The following AHI1 variants were observed in gnomAD, a reference collection of about 807,000 sequenced individuals.
AHI1 encodes jouberin.
In AHI1, 123 loss-of-function variants were observed where a neutral mutation model predicts 149.3. That is an observed-to-expected ratio of 0.82 (90% CI 0.71 to 0.96). The LOEUF is 0.96. Among genes scored for constraint, AHI1 ranks in the 40% least tolerant of loss-of-function variants. The pLI is 0.00. For synonymous variants in AHI1, 475 were observed against 459.8 expected, an observed-to-expected ratio of 1.03 and a Z score of -0.42; for missense variants, 1,439 against 1,422.7, an observed-to-expected ratio of 1.01 and a Z score of -0.18.
At chr6:135,386,529 C>T in intron 23 of AHI1, among the ~76,000 whole-genome samples, 1 of 152,170 alleles carries the variant, frequency 6.6e-6, no homozygotes, top group Non-Finnish European at 1.5e-5. Flanking sequence ...CCAGGATGGT[C>T]TCGATCTCCT....
At chr6:135,383,111 TTTCA>T (rs1777080374) in intron 23 of AHI1, among the ~76,000 whole-genome samples, 1 of 149,750 alleles carries the variant, frequency 6.7e-6, no homozygotes, top group African/African-American at 2.4e-5. Flanking sequence ...TTAAAATATT[TTTCA>T]TTATCAGAAA....
At chr6:135,304,590 T>G (rs957657449) in intron 26 of AHI1, among the ~76,000 whole-genome samples, 2 of 152,180 alleles carry the variant, frequency 1.3e-5, no homozygotes, top group South Asian at 4.2e-4. Context: ...GCCAACATAG[T>G]GAAACCCCGG....
At position 135,427,149 on chromosome 6, in the gene AHI1, A is replaced by T. The variant is rs2128005584; in HGVS notation, c.2764+18T>A. ...AGGTTACTCTAAAAATTCTTTACTT[A>T]TCAAGTGGTAGACTTACCATGGAAA... is the stretch of plus-strand genomic sequence containing the variant. On this transcript the variant is annotated intron_variant, in intron 20 of 28. Coordinates refer to ENST00000265602, the MANE Select transcript of AHI1 (RefSeq NM_001134831.2). The T allele has an allele frequency of 6.2e-7, 1 of 1,605,154 alleles. No individual in the cohort carries two copies. Among genetic ancestry groups the T allele is most frequent in the Admixed American group, 1.7e-5 (1 of 59,262 alleles).
At chr6:135,364,026 G>A (rs1383939747) in intron 23 of AHI1, among the ~76,000 whole-genome samples, 1 of 149,614 alleles carries the variant, frequency 6.7e-6, no homozygotes, top group Non-Finnish European at 1.5e-5. Context: ...GCCGGGCAGA[G>A]GCGCCCCTCA....
chr6:135,362,171 C>CAT (rs1369936157), intron 23 of AHI1, among the ~76,000 whole-genome samples: 3 of 152,034 alleles, frequency 2.0e-5, no homozygotes, highest in East Asian at 3.9e-4. Flanking sequence ...TGTATATACA[C>CAT]ATATATATAC....
chr6:135,326,764 T>G (rs909652945), intron 24 of AHI1, among the ~76,000 whole-genome samples: 1 of 79,672 alleles, frequency 1.3e-5, no homozygotes, highest in Non-Finnish European at 2.2e-5. Flanking sequence ...TTTCACCACG[T>G]TGGCCAGGCT....
At chr6:135,299,102 CCA>C (rs1783531795) in intron 27 of AHI1, among the ~76,000 whole-genome samples, 1 of 151,664 alleles carries the variant, frequency 6.6e-6, no homozygotes, top group African/African-American at 2.4e-5. Context: ...TTTTAAATGT[CCA>C]GAGACTGGAA....
At chr6:135,385,753 T>A (rs767275764) in intron 23 of AHI1, among the ~76,000 whole-genome samples, 7 of 152,270 alleles carry the variant, frequency 4.6e-5, no homozygotes, top group Non-Finnish European at 7.4e-5. Context: ...CTAAACAGGC[T>A]GTGAAATCCC....
chr6:135,299,939 G>A (rs967284583), intron 27 of AHI1, among the ~76,000 whole-genome samples: 20 of 152,050 alleles, frequency 1.3e-4, no homozygotes, highest in African/African-American at 4.6e-4. Context: ...TGACAAAATA[G>A]GTCCTCTAAA....
Position 135,394,819 on chromosome 6 carries a change from C to T in AHI1, c.3066G>A (p.Leu1022=), listed in dbSNP as rs1778999369. ...ACTGATGTAGAATCTCTTGAGCGGT[C>T]AGCATGTTTGACTGCTTTAACTTAG... The part of the protein sequence containing the change: ...QQSKLKQSNM[L]TAQEILHQFG... The change falls in exon 23 of 29, where the codon CTG becomes CTA. Residue 1022 remains leucine (L), a synonymous_variant. Transcript: ENST00000265602. 6.2e-7 allele frequency: 1 copy of T among 1,609,084 alleles called. No individual in the cohort carries two copies. Among genetic ancestry groups the T allele is most frequent in the African/African-American group, 1.3e-5 (1 of 74,822 alleles).
chr6:135,392,448 T>C (rs894005982), intron 23 of AHI1, among the ~76,000 whole-genome samples: 1 of 152,150 alleles, frequency 6.6e-6, no homozygotes, highest in African/African-American at 2.4e-5. Context: ...ATATATAAAA[T>C]CAACCCCTAC....
chr6:135,303,216 G>A (rs1784110561), intron 26 of AHI1, among the ~76,000 whole-genome samples: 1 of 152,136 alleles, frequency 6.6e-6, no homozygotes, highest in Non-Finnish European at 1.5e-5. Flanking sequence ...AGAGAAAGGG[G>A]CTATGCAAAC....
rs73557666 is a variant in AHI1 at position 135,290,682 on chromosome 6, T to C, written c.3486-157A>G. ...AAACATCCGGCAGAACTAATGAGTATACACGGGGATGAGAGACAAGGAATT... is the reference window on the plus strand; with the variant it reads ...AAACATCCGGCAGAACTAATGAGTACACACGGGGATGAGAGACAAGGAATT... On this transcript the variant is annotated intron_variant, in intron 27 of 28. Transcript: ENST00000265602. Among the ~76,000 whole-genome samples, 636 of 152,230 alleles carry C rather than the reference T, an allele frequency of 4.2e-3. 1 individual carries two copies. The highest frequency in any genetic ancestry group is 7.0e-3 in the Non-Finnish European group (477 of 68,018).
At chr6:135,386,416 T>C (rs955751189) in intron 23 of AHI1, among the ~76,000 whole-genome samples, 28 of 151,532 alleles carry the variant, frequency 1.8e-4, no homozygotes, top group African/African-American at 6.8e-4. Context: ...GTTCACACCA[T>C]TCTCCTGCCT....
rs538806809 is a variant in AHI1 at position 135,454,881 on chromosome 6, TGTATCATAA to T, written c.1344+844_1344+852del. Among the ~76,000 whole-genome samples the T allele has an allele frequency of 7.2e-5, 11 of 152,316 alleles. No homozygotes were observed. The South Asian group carries it at 2.3e-3, about 32-fold the overall frequency. On this transcript the variant is annotated intron_variant, in intron 10 of 28. Coordinates refer to ENST00000265602, the MANE Select transcript of AHI1 (RefSeq NM_001134831.2). ...TCACAAATGTAAATATTGGAATATTTGTATCATAAATACAAATAGACAACCTGAAAGTCA... is the reference window on the plus strand; with the variant it reads ...TCACAAATGTAAATATTGGAATATTTATACAAATAGACAACCTGAAAGTCA...
In AHI1 at chr6:135,381,344, T is replaced by TAC. The variant is rs576248137; in HGVS notation, c.3109+13430_3109+13431dup. On this transcript the variant is annotated intron_variant, in intron 23 of 28. Transcript: ENST00000265602. ...TTCCTTTTAAAAAAAGTGGCAAGTA[T>TAC]ACACAATAACACATATACATACAAA... Among the ~76,000 whole-genome samples, 306 of 152,286 alleles carry TAC rather than the reference T, an allele frequency of 2.0e-3. 1 individual carries two copies. Among genetic ancestry groups the TAC allele is most frequent in the African/African-American group, 7.1e-3 (293 of 41,560 alleles).
chr6:135,298,296 A>C (rs1783401434), intron 27 of AHI1, among the ~76,000 whole-genome samples: 1 of 151,724 alleles, frequency 6.6e-6, no homozygotes, highest in Non-Finnish European at 1.5e-5. Context: ...AATGTGTATA[A>C]ATTGCTTGCA....
At chr6:135,320,937 T>G (rs969843768) in intron 25 of AHI1, among the ~76,000 whole-genome samples, 2 of 152,202 alleles carry the variant, frequency 1.3e-5, no homozygotes, top group Non-Finnish European at 2.9e-5. Flanking sequence ...CTATTTTAGA[T>G]GATCTGGAAG....
At chr6:135,456,913 A>G (rs1789047861) in intron 9 of AHI1, among the ~76,000 whole-genome samples, 1 of 152,250 alleles carries the variant, frequency 6.6e-6, no homozygotes, top group African/African-American at 2.4e-5. Context: ...TAAAATATTT[A>G]CAATGCAACT....
Sources: gnomAD v4.1 joint callset for allele counts (sites outside exome capture counted in the v4.1 genomes callset) on GRCh38, gnomAD v4.1.1 for gene constraint, MANE v1.5 for transcripts, NCBI Gene and HGNC (gene_info 2026-07-23, HGNC 2026-07-21) for gene names.